LHFPL3: variants seen among roughly 807,000 people sequenced by gnomAD.
LHFPL3 encodes LHFPL tetraspan subfamily member 3 protein.
A neutral mutation model predicts 19.3 loss-of-function variants in LHFPL3; 5 were observed. The ratio of observed to expected loss-of-function variants is 0.26; its 90% CI spans 0.14 to 0.54. LHFPL3 has a LOEUF of 0.54. Among genes scored for constraint, LHFPL3 ranks in the 20% least tolerant of loss-of-function variants. The pLI, the probability that LHFPL3 is intolerant of heterozygous loss-of-function variation, is 0.94. For missense variants in LHFPL3, 249 were observed against 307.4 expected (o/e 0.81, Z 1.42); for synonymous variants, 133 against 126.2 (o/e 1.05, Z -0.36).
At chr7:104,712,362 C>T (rs749179554) in intron 1 of LHFPL3, among the ~76,000 whole-genome samples, 3 of 152,176 alleles carry the variant, frequency 2.0e-5, no homozygotes, top group Non-Finnish European at 4.4e-5. Flanking sequence ...GGTTTGCCAA[C>T]AGCTGTCTTT....
intron 1 of LHFPL3, among the ~76,000 whole-genome samples, chr7:104,732,409 ATTG>A (rs1793722170): frequency 6.6e-6 from 1 of 152,130 alleles, no homozygotes; most frequent in South Asian, 2.1e-4. Context: ...AGAGCCTGTT[ATTG>A]GTCTATTCAG....
intron 1 of LHFPL3, among the ~76,000 whole-genome samples, chr7:104,496,466 A>G (rs923736752): frequency 6.6e-6 from 1 of 152,224 alleles, no homozygotes; most frequent in East Asian, 1.9e-4. Flanking sequence ...ATGATTTATA[A>G]TCCTTTGGGT....
intron 1 of LHFPL3, among the ~76,000 whole-genome samples, chr7:104,612,274 A>G (rs1173603755): frequency 6.6e-6 from 1 of 152,152 alleles, no homozygotes; most frequent in Non-Finnish European, 1.5e-5. Flanking sequence ...CTGTTTTCAT[A>G]TTTGTAAACT....
chr7:104,887,532 G>T (rs769959610), intron 2 of LHFPL3, among the ~76,000 whole-genome samples: 1 of 152,218 alleles, frequency 6.6e-6, no homozygotes, highest in Non-Finnish European at 1.5e-5. Context: ...ACTGCTAGAG[G>T]TAAGGGATGG....
intron 2 of LHFPL3, among the ~76,000 whole-genome samples, chr7:104,900,283 T>C (rs1347087845): frequency 6.6e-6 from 1 of 152,320 alleles, no homozygotes; most frequent in East Asian, 1.9e-4. Flanking sequence ...TTTAATATAT[T>C]TCACAGTGTT....
intron 1 of LHFPL3, among the ~76,000 whole-genome samples, chr7:104,662,027 A>G (rs921810081): frequency 6.6e-6 from 1 of 152,256 alleles, no homozygotes; most frequent in African/African-American, 2.4e-5. Context: ...AGCTGGACAA[A>G]GGGATGATTC....
chr7:104,358,770 C>A (rs1392554538), intron 1 of LHFPL3, among the ~76,000 whole-genome samples: 2 of 152,114 alleles, frequency 1.3e-5, no homozygotes, highest in African/African-American at 4.8e-5. Flanking sequence ...TACTGGGGTT[C>A]CTGGGAATAT....
chr7:104,486,864 T>G (rs1429109442), intron 1 of LHFPL3, among the ~76,000 whole-genome samples: 1 of 152,198 alleles, frequency 6.6e-6, no homozygotes, highest in African/African-American at 2.4e-5. Context: ...TCTTTCTTAT[T>G]CATTGCTATA....
intron 1 of LHFPL3, among the ~76,000 whole-genome samples, chr7:104,526,354 A>G (rs1260197105): frequency 2.6e-5 from 4 of 152,238 alleles, no homozygotes; most frequent in African/African-American, 4.8e-5. Context: ...GATGCCCACA[A>G]GCATCTATGT....
chr7:104,738,463 T>C (rs950280198), intron 2 of LHFPL3: 3 of 152,328 alleles, frequency 2.0e-5, no homozygotes, highest in African/African-American at 7.2e-5. Flanking sequence ...CTGCAGATTA[T>C]GATTTTTGCC....
intron 1 of LHFPL3, among the ~76,000 whole-genome samples, chr7:104,710,650 A>AT (rs1262815721): frequency 6.6e-6 from 1 of 152,122 alleles, no homozygotes; most frequent in East Asian, 1.9e-4. Context: ...TTTTTGCTTC[A>AT]TTTTCTATAA....
intron 1 of LHFPL3, among the ~76,000 whole-genome samples, chr7:104,677,598 A>C (rs146546572): frequency 1.9e-4 from 29 of 152,288 alleles, no homozygotes; most frequent in South Asian, 1.9e-3. Context: ...ACAGAAGAAG[A>C]AGCTAGGAAT....
intron 1 of LHFPL3, among the ~76,000 whole-genome samples, chr7:104,463,029 G>C (rs1010914405): frequency 6.6e-6 from 1 of 152,114 alleles, no homozygotes; most frequent in Non-Finnish European, 1.5e-5. Flanking sequence ...TATGCATAGA[G>C]GTATCCATAG....
intron 2 of LHFPL3, chr7:104,803,057 C>G (rs1314455081): frequency 1.3e-5 from 2 of 152,386 alleles, no homozygotes; most frequent in East Asian, 3.9e-4. Context: ...ATATCCTCTG[C>G]CCTCTCTCAC....
At chr7:104,389,391 C>T (rs185941538) in intron 1 of LHFPL3, among the ~76,000 whole-genome samples, 14 of 152,230 alleles carry the variant, frequency 9.2e-5, no homozygotes, top group African/African-American at 3.1e-4. Context: ...ATTGGAAAGG[C>T]AATTCATGTG....
At chr7:104,761,187 A>G (rs1459902578) in intron 2 of LHFPL3, among the ~76,000 whole-genome samples, 1 of 152,180 alleles carries the variant, frequency 6.6e-6, no homozygotes, top group African/African-American at 2.4e-5. Context: ...TAGGCTGCAG[A>G]AGCCGTCTAG....
chr7:104,369,002 T>TACATC (rs1379515414), intron 1 of LHFPL3, among the ~76,000 whole-genome samples: 18 of 152,254 alleles, frequency 1.2e-4, no homozygotes, highest in African/African-American at 4.3e-4. Flanking sequence ...TTATGAGGGT[T>TACATC]ACATCATTCA....
chr7:104,628,649 T>C (rs1791587955), intron 1 of LHFPL3, among the ~76,000 whole-genome samples: 1 of 152,198 alleles, frequency 6.6e-6, no homozygotes, highest in South Asian at 2.1e-4. Context: ...ATGTGCAGAA[T>C]GGCTGGATTA....
intron 1 of LHFPL3, among the ~76,000 whole-genome samples, chr7:104,465,379 T>C (rs909624633): frequency 1.3e-5 from 2 of 152,236 alleles, no homozygotes; most frequent in East Asian, 1.9e-4. Flanking sequence ...AGTTCCAAAG[T>C]TGATTCCACA....
Sources: gnomAD v4.1 joint callset for allele counts (sites outside exome capture counted in the v4.1 genomes callset) on GRCh38, gnomAD v4.1.1 for gene constraint, MANE v1.5 for transcripts, NCBI Gene and HGNC (gene_info 2026-07-23, HGNC 2026-07-21) for gene names.